PTPRU: variants seen among roughly 807,000 people sequenced by gnomAD.
PTPRU encodes protein tyrosine phosphatase receptor type U, also known as receptor-type tyrosine-protein phosphatase U.
In PTPRU, 69 loss-of-function variants were observed where a neutral mutation model predicts 166.3. The ratio of observed to expected loss-of-function variants is 0.41; its 90% CI spans 0.34 to 0.51. The LOEUF (loss-of-function observed/expected upper bound fraction) is 0.51, where lower values mean the gene tolerates loss of function less well. PTPRU is among the 20% of genes least tolerant of loss of function. PTPRU has a pLI of 0.09. For missense variants in PTPRU, 1,657 were observed against 2,013.7 expected, an observed-to-expected ratio of 0.82 and a Z score of 3.39; for synonymous variants, 793 against 814.0, an observed-to-expected ratio of 0.97 and a Z score of 0.44.
At chr1:29,325,515 C>A in intron 29 of PTPRU, 84 bp from the exon 30 acceptor site, 1 of 1,518,380 alleles carries the variant, frequency 6.6e-7, no homozygotes, top group Non-Finnish European at 9.1e-7. Context: ...CTCGTGCTTG[C>A]CCTCTCACTC....
chr1:29,324,599 C>T (rs1384970576), intron 28 of PTPRU, among the ~76,000 whole-genome samples: 1 of 152,186 alleles, frequency 6.6e-6, no homozygotes, highest in Non-Finnish European at 1.5e-5. Flanking sequence ...TCTGGGTACG[C>T]GCTTGCTGCT....
chr1:29,252,769 G>A (rs1429650602), intron 1 of PTPRU, among the ~76,000 whole-genome samples: 2 of 152,130 alleles, frequency 1.3e-5, no homozygotes, highest in South Asian at 2.1e-4. Flanking sequence ...TTTTTCCTCT[G>A]CCCTCCCACC....
rs1253274317 is a variant in PTPRU, at chr1:29,317,993, G to A, written c.3687+72G>A. Reference sequence around the variant, plus strand: ...GCATCAGGGAAGGTCCAGGGGCCACGGGAACAAAGCTGAAGGCTCTGTTGG... The same window carrying A: ...GCATCAGGGAAGGTCCAGGGGCCACAGGAACAAAGCTGAAGGCTCTGTTGG... On this transcript the variant is annotated intron_variant, in intron 25 of 29. Coordinates refer to ENST00000373779, the MANE Select transcript of PTPRU (RefSeq NM_133178.4). This position sits in a 1 kb window ranked among gnomAD's most constrained non-coding sequence, Gnocchi z 5.6. 8 of 1,554,440 alleles carry A rather than the reference G, an allele frequency of 5.1e-6. No individual in the cohort carries two copies. The highest frequency in any genetic ancestry group is 1.4e-5 in the African/African-American group (1 of 73,028).
At chr1:29,249,791 C>T (rs1574606198) in intron 1 of PTPRU, among the ~76,000 whole-genome samples, 1 of 152,282 alleles carries the variant, frequency 6.6e-6, no homozygotes, top group South Asian at 2.1e-4. Context: ...ACACCACCTG[C>T]CCTACTCATG....
At chr1:29,284,466 A>G (rs1686249296) in intron 13 of PTPRU, among the ~76,000 whole-genome samples, 1 of 152,152 alleles carries the variant, frequency 6.6e-6, no homozygotes. Context: ...TCCCCTATCC[A>G]CTGAGAGCTG....
chr1:29,250,578 A>G (rs981894126), intron 1 of PTPRU, among the ~76,000 whole-genome samples: 4 of 152,258 alleles, frequency 2.6e-5, no homozygotes, highest in East Asian at 1.9e-4. Context: ...TCACCGGCTC[A>G]GGTGGTCATG....
At chr1:29,284,053 G>A (rs1173722896) in intron 13 of PTPRU, 77 bp downstream of exon 13, 2 of 1,562,432 alleles carry the variant, frequency 1.3e-6, no homozygotes, top group Non-Finnish European at 1.8e-6. Context: ...GGATCCTGAG[G>A]ACCTACGGCT....
In PTPRU at chr1:29,240,755, G is replaced by A. The variant is rs546554424; in HGVS notation, c.73+4038G>A. On this transcript the variant is annotated intron_variant, in intron 1 of 29. Coordinates refer to ENST00000373779, the MANE Select transcript of PTPRU (RefSeq NM_133178.4). ...GATGGGGCCTGGCAGTTGGTGAGAC[G>A]TTGAGTCTCAACGGTCTGTGTGAGT... 2.0e-5 allele frequency among the ~76,000 whole-genome samples: 3 copies of A among 152,254 alleles called. No individual in the cohort carries two copies. In the South Asian group the frequency reaches 6.2e-4, roughly 32 times the overall value.
At chr1:29,324,677 TTC>T (rs1165173966) in intron 28 of PTPRU, among the ~76,000 whole-genome samples, 1 of 152,186 alleles carries the variant, frequency 6.6e-6, no homozygotes, top group African/African-American at 2.4e-5. Flanking sequence ...CTGGCCTCCT[TTC>T]TCTCAGAATC....
intron 2 of PTPRU, among the ~76,000 whole-genome samples, 173 bp from the exon 3 acceptor site, chr1:29,258,332 A>G (rs1293611297): frequency 1.3e-5 from 2 of 152,154 alleles, no homozygotes; most frequent in South Asian, 4.1e-4. Context: ...TGGGAAACAG[A>G]TGCTAGGAAG....
rs780588866 is a variant in PTPRU, at chr1:29,315,545, C to A, written c.3363+38C>A. The A allele has an allele frequency of 5.0e-6, 8 of 1,612,924 alleles. No homozygotes were observed. The Admixed American group carries it at 1.2e-4, about 24-fold the overall frequency. The stretch of plus-strand genomic sequence containing the variant: ...GGCCCTGTCCCCACCATTATTACTT[C>A]TAGGACTGGAGTTTCTCGTGAAGGA... On this transcript the variant is annotated intron_variant, in intron 23 of 29. Transcript: ENST00000373779. This position sits in a 1 kb window ranked among gnomAD's most constrained non-coding sequence, Gnocchi z 4.5.
At position 29,259,986 on chromosome 1, in the gene PTPRU, T is replaced by A. The variant is rs1202317765; in HGVS notation, c.792T>A (p.Cys264Ter). ...VSRAEQDLYRCVSQAPRGAGV... is the reference protein window; with the variant it reads ...VSRAEQDLYR ...GCGCCGAGCAGGACCTGTACCGCTG[T>A]GTGTCCCAGGCCCCGCGCGGCGCGG... Residue 264 changes from cysteine (C) to a stop codon, truncating the protein, a stop_gained, in exon 6 of 30, where the codon TGT becomes TGA. Coordinates refer to ENST00000373779, the MANE Select transcript of PTPRU (RefSeq NM_133178.4). LOFTEE classifies it high-confidence loss of function. The A allele has an allele frequency of 4.5e-6, 7 of 1,556,870 alleles. No homozygotes were observed. The highest frequency in any genetic ancestry group is 5.2e-6 in the Non-Finnish European group (6 of 1,159,534).
chr1:29,278,991 C>G lies in PTPRU; in HGVS notation c.1454-21C>G, dbSNP rs974535200. The G allele has an allele frequency of 5.8e-6, 9 of 1,554,118 alleles. No individual in the cohort carries two copies. The African/African-American group carries it at 1.1e-4, about 19-fold the overall frequency. On this transcript the variant is annotated intron_variant, in intron 8 of 29. Coordinates refer to ENST00000373779, the MANE Select transcript of PTPRU (RefSeq NM_133178.4). ...CACCAAAGCCCACTTTCCCCTGGCC[C>G]CTGCTGCCTTTCCCTTGCAGTGCCC...
intron 15 of PTPRU, among the ~76,000 whole-genome samples, chr1:29,297,731 G>T (rs1193565228): frequency 6.6e-6 from 1 of 152,190 alleles, no homozygotes; most frequent in African/African-American, 2.4e-5. Context: ...GACAGAGAGA[G>T]GCAGGAAACA....
In PTPRU at chr1:29,279,373, C is replaced by A; in HGVS notation, c.1564-83C>A. On this transcript the variant is annotated intron_variant, in intron 9 of 29. Coordinates refer to ENST00000373779, the MANE Select transcript of PTPRU (RefSeq NM_133178.4). This position sits in a 1 kb window ranked among gnomAD's most constrained non-coding sequence, Gnocchi z 5.2. The stretch of plus-strand genomic sequence containing the variant: ...CTTTGCTTAGCCTTATCTCTCACTT[C>A]CCTGGGACATGGTGGGTGGAGGCTG... 2.1e-6 allele frequency: 3 copies of A among 1,449,698 alleles called. No homozygotes were observed. Among genetic ancestry groups the A allele is most frequent in the South Asian group, 1.2e-5 (1 of 86,788 alleles). The allele number at this position is 1,449,698 out of a possible 1,614,324, so 89.8% of individuals were successfully genotyped here. A position where few individuals can be genotyped will look rare whatever the true frequency, so the allele number is the denominator to read the frequency against.
chr1:29,243,618 C>T (rs941471618), intron 1 of PTPRU, among the ~76,000 whole-genome samples: 25 of 152,240 alleles, frequency 1.6e-4, no homozygotes, highest in African/African-American at 4.6e-4. Context: ...AGCCCTCTCC[C>T]GGTGCAGTTG....
chr1:29,289,352 T>C (rs1437876783), intron 14 of PTPRU, among the ~76,000 whole-genome samples: 1 of 152,156 alleles, frequency 6.6e-6, no homozygotes, highest in Admixed American at 6.5e-5. Context: ...TGTATGAGTG[T>C]GTATGTGAGC....
At chr1:29,244,675 A>G (rs1220277314) in intron 1 of PTPRU, among the ~76,000 whole-genome samples, 1 of 152,094 alleles carries the variant, frequency 6.6e-6, no homozygotes, top group Non-Finnish European at 1.5e-5. Context: ...CACCACTTCT[A>G]GCTGTGTGAT....
chr1:29,249,150 G>A (rs2151941234), intron 1 of PTPRU, among the ~76,000 whole-genome samples: 1 of 103,656 alleles, frequency 9.6e-6, no homozygotes, highest in South Asian at 2.6e-4. Flanking sequence ...AGCCATGAGT[G>A]CACGTGTGCA....
Sources: allele counts gnomAD v4.1 joint callset (sites outside exome capture counted in the v4.1 genomes callset), GRCh38; gene constraint gnomAD v4.1.1; non-coding constraint Gnocchi (gnomAD v3.1); transcripts MANE v1.5; gene names NCBI Gene and HGNC (gene_info 2026-07-23, HGNC 2026-07-21).